The following UQCC2 variants were observed in gnomAD, a reference collection of about 807,000 sequenced individuals.
UQCC2 encodes breast cancer-associated protein SGA-81M.
UQCC2 carries 21 observed loss-of-function variants against 19.9 expected under a neutral mutation model. That is an observed-to-expected ratio of 1.05 (90% CI 0.75 to 1.52). UQCC2 has a LOEUF of 1.52. Among genes scored for constraint, UQCC2 ranks in the 40% most tolerant of loss-of-function variants. The probability of loss-of-function intolerance (pLI) is 0.00; values close to 1 mark genes in which losing one functional copy is unlikely to be tolerated. For synonymous variants in UQCC2, 57 were observed against 60.9 expected, an observed-to-expected ratio of 0.94 and a Z score of 0.30; for missense variants, 135 against 157.5, an observed-to-expected ratio of 0.86 and a Z score of 0.76.
chr6:33,706,693 C>T (rs1765702770), intron 1 of UQCC2, among the ~76,000 whole-genome samples: 1 of 151,654 alleles, frequency 6.6e-6, no homozygotes, highest in African/African-American at 2.4e-5. Flanking sequence ...TGAAGAGGCA[C>T]AGGACAAGAG....
intron 1 of UQCC2, 55 bp downstream of exon 1, chr6:33,711,494 C>G: frequency 6.5e-7 from 1 of 1,534,292 alleles, no homozygotes. Context: ...CTCGTTGGCC[C>G]CGCCCCTGCC....
intron 1 of UQCC2, 21 bp from the exon 2 acceptor site, chr6:33,701,441 A>G: frequency 6.2e-7 from 1 of 1,612,274 alleles, no homozygotes; most frequent in Non-Finnish European, 8.5e-7. Context: ...AAGAATCCCA[A>G]AGGAGGTGAG....
At chr6:33,703,896 A>C (rs530293284) in intron 1 of UQCC2, among the ~76,000 whole-genome samples, 5 of 152,232 alleles carry the variant, frequency 3.3e-5, no homozygotes, top group Non-Finnish European at 7.3e-5. Flanking sequence ...TCTATGGAAA[A>C]ACAGGATGTC....
At chr6:33,704,469 A>T (rs1196381183) in intron 1 of UQCC2, among the ~76,000 whole-genome samples, 3 of 152,186 alleles carry the variant, frequency 2.0e-5, no homozygotes, top group Admixed American at 6.5e-5. Flanking sequence ...GAAGTGAGGA[A>T]GGATGAAAAA....
chr6:33,706,363 T>G (rs538966657), intron 1 of UQCC2, among the ~76,000 whole-genome samples: 1 of 152,216 alleles, frequency 6.6e-6, no homozygotes, highest in East Asian at 1.9e-4. Context: ...ATAGAAAGAG[T>G]GCTCCACTAG....
chr6:33,708,075 G>A (rs1461456402), intron 1 of UQCC2, among the ~76,000 whole-genome samples: 1 of 152,236 alleles, frequency 6.6e-6, no homozygotes, highest in Non-Finnish European at 1.5e-5. Context: ...AGTTAACCCA[G>A]CTTTTCTCCG....
chr6:33,706,397 C>A (rs4713661), intron 1 of UQCC2, among the ~76,000 whole-genome samples: 63,442 of 152,076 alleles, frequency 0.42, 15,673 homozygotes, highest in East Asian at 0.86. Context: ...GCCACAAAGA[C>A]GACGACCCAG....
intron 1 of UQCC2, 46 bp downstream of exon 1, chr6:33,711,503 C>G: frequency 6.4e-7 from 1 of 1,560,260 alleles, no homozygotes. Context: ...CCCGCCCCTG[C>G]CTCGTCCTTT....
chr6:33,704,119 C>T (rs959422424), intron 1 of UQCC2, among the ~76,000 whole-genome samples: 3 of 152,088 alleles, frequency 2.0e-5, no homozygotes, highest in Non-Finnish European at 4.4e-5. Flanking sequence ...CCTGGAACGC[C>T]GATAAATGTG....
intron 3 of UQCC2, 63 bp from the exon 4 acceptor site, chr6:33,697,813 G>C: frequency 7.3e-7 from 1 of 1,376,632 alleles, no homozygotes; most frequent in East Asian, 2.3e-5. Context: ...ACATAGATTG[G>C]ACCCACTGGG....
intron 2 of UQCC2, 49 bp downstream of exon 2, chr6:33,701,291 CTTATTA>C: frequency 6.5e-7 from 1 of 1,538,538 alleles, no homozygotes; most frequent in Non-Finnish European, 8.8e-7. Flanking sequence ...TTCACTCATT[CTTATTA>C]GTTGTCCCGT....
At chr6:33,707,163 G>A (rs935455246) in intron 1 of UQCC2, among the ~76,000 whole-genome samples, 1 of 152,216 alleles carries the variant, frequency 6.6e-6, no homozygotes, top group Non-Finnish European at 1.5e-5. Flanking sequence ...AGCTCACACT[G>A]GCGCCATTCA....
intron 1 of UQCC2, among the ~76,000 whole-genome samples, chr6:33,706,793 G>C (rs550320655): frequency 2.0e-5 from 3 of 152,358 alleles, no homozygotes; most frequent in Admixed American, 2.0e-4. Context: ...CTCTGTGTTT[G>C]GGTTTTTTGC....
At chr6:33,711,111 G>C (rs931265730) in intron 1 of UQCC2, among the ~76,000 whole-genome samples, 94 of 152,290 alleles carry the variant, frequency 6.2e-4, no homozygotes, top group Middle Eastern at 3.4e-3. Context: ...TCTGCACCTT[G>C]AATCACCTGG....
intron 1 of UQCC2, among the ~76,000 whole-genome samples, chr6:33,707,821 C>T (rs1216511786): frequency 6.6e-6 from 1 of 152,216 alleles, no homozygotes; most frequent in Non-Finnish European, 1.5e-5. Flanking sequence ...CTGTAGGAAA[C>T]ACGTGTTCTT....
intron 1 of UQCC2, among the ~76,000 whole-genome samples, chr6:33,710,667 A>G (rs1765755793): frequency 1.3e-5 from 2 of 152,338 alleles, no homozygotes; most frequent in Middle Eastern, 6.8e-3. Context: ...TATCGATCAC[A>G]GTACTTATCT....
chr6:33,705,783 G>A (rs1175655072), intron 1 of UQCC2, among the ~76,000 whole-genome samples: 1 of 152,090 alleles, frequency 6.6e-6, no homozygotes, highest in East Asian at 1.9e-4. Context: ...GAAATGGACG[G>A]TGCATTTTTA....
At chr6:33,699,931 G>A (rs978325566) in intron 3 of UQCC2, among the ~76,000 whole-genome samples, 9 of 152,176 alleles carry the variant, frequency 5.9e-5, no homozygotes, top group African/African-American at 2.2e-4. Flanking sequence ...AGGAAAGGAC[G>A]GGCTTGGCAG....
chr6:33,709,615 C>T (rs747329450), intron 1 of UQCC2, among the ~76,000 whole-genome samples: 3 of 152,180 alleles, frequency 2.0e-5, no homozygotes, highest in Non-Finnish European at 4.4e-5. Context: ...GTGAAGACCA[C>T]CATGAATAAT....
Sources: allele counts gnomAD v4.1 joint callset (sites outside exome capture counted in the v4.1 genomes callset), GRCh38; gene constraint gnomAD v4.1.1; transcripts MANE v1.5; gene names NCBI Gene and HGNC (gene_info 2026-07-23, HGNC 2026-07-21).